AIFM1: variants seen among roughly 807,000 people sequenced by gnomAD.
AIFM1 encodes the protein apoptosis inducing factor mitochondria associated 1.
A neutral mutation model predicts 51.7 loss-of-function variants in AIFM1; 3 were observed. That is an observed-to-expected ratio of 0.06 (90% CI 0.03 to 0.15). The LOEUF (loss-of-function observed/expected upper bound fraction) is 0.15. AIFM1 is among the 10% of genes least tolerant of loss of function. The pLI, the probability that AIFM1 is intolerant of heterozygous loss-of-function variation, is 1.00. For synonymous variants in AIFM1, 178 were observed against 179.4 expected, an observed-to-expected ratio of 0.99 and a Z score of 0.06; for missense variants, 330 against 476.8, an observed-to-expected ratio of 0.69 and a Z score of 2.87.
intron 13 of AIFM1, 63 bp from the exon 14 acceptor site, chrX:130,131,862 T>A (rs762789702): frequency 4.6e-4 from 539 of 1,176,733 alleles, no homozygotes; most frequent in Non-Finnish European, 5.6e-4. Context: ...TAGCACATAT[T>A]CTCCATGACA....
Position 130,147,875 on chromosome X carries a change from A to G in AIFM1, c.351T>C (p.Ala117=). 1 of 1,211,481 alleles carries G rather than the reference A, an allele frequency of 8.3e-7. No individual in the cohort carries two copies. The highest frequency in any genetic ancestry group is 3.0e-5 in the East Asian group (1 of 33,854). ...EQKQKKAALS[A]SEGEEVPQDK... ...CTTGAGGAACTTCCTCTCCTTCTGA[A>G]GCTGAAAGCAACAGAACAGACTGGA... The change falls in exon 4 of 16, where the codon GCT becomes GCC. Residue 117 remains alanine (A), a splice_region_variant and synonymous_variant. Coordinates refer to ENST00000287295, the MANE Select transcript of AIFM1 (RefSeq NM_004208.4).
chrX:130,133,877 C>T (rs1416393108), intron 12 of AIFM1, among the ~76,000 whole-genome samples: 1 of 109,336 alleles, frequency 9.1e-6, no homozygotes, highest in Non-Finnish European at 1.9e-5. Context: ...AGCAATGTGC[C>T]TGCCTCAGCC....
At position 130,147,824 on chromosome X, in the gene AIFM1, G is replaced by A; in HGVS notation, c.402C>T (p.Phe134=). ...PQDKAPSHVP[F]LLIGGGTAAF... ...CAGCTGTGCCTCCACCAATTAGCAG[G>A]AAAGGAACATGACTTGGCGCCTTGT... The change falls in exon 4 of 16, where the codon TTC becomes TTT. Residue 134 remains phenylalanine (F), a synonymous_variant. Coordinates refer to ENST00000287295, the MANE Select transcript of AIFM1 (RefSeq NM_004208.4). 8.3e-7 allele frequency: 1 copy of A among 1,211,934 alleles called. No homozygotes were observed. The highest frequency in any genetic ancestry group is 1.1e-6 in the Non-Finnish European group (1 of 895,565).
chrX:130,141,939 C>A (rs1413815156), intron 6 of AIFM1, among the ~76,000 whole-genome samples: 1 of 111,898 alleles, frequency 8.9e-6, no homozygotes, highest in Non-Finnish European at 1.9e-5. Context: ...GTAGAACACC[C>A]AAACTGTTCT....
At chrX:130,164,730 G>GTA (rs2031474021) in intron 1 of AIFM1, among the ~76,000 whole-genome samples, 1 of 111,775 alleles carries the variant, frequency 8.9e-6, no homozygotes, top group Non-Finnish European at 1.9e-5. Context: ...TTAGGAAGCA[G>GTA]TATGGAGTTG....
intron 1 of AIFM1, among the ~76,000 whole-genome samples, chrX:130,164,642 A>G (rs2031471057): frequency 8.9e-6 from 1 of 111,799 alleles, no homozygotes; most frequent in South Asian, 3.7e-4. Context: ...GCTCAGATAA[A>G]TTCACGGATA....
chrX:130,134,860 CAA>C lies in AIFM1; in HGVS notation c.1305+1183_1305+1184del, dbSNP rs376866368. Among the ~76,000 whole-genome samples the C allele has an allele frequency of 4.0e-3, 443 of 111,411 alleles. 2 individuals are homozygous for C. The highest frequency in any genetic ancestry group is 0.028 in the Middle Eastern group (6 of 216). On this transcript the variant is annotated intron_variant, in intron 12 of 15. Coordinates refer to ENST00000287295, the MANE Select transcript of AIFM1 (RefSeq NM_004208.4). ...GAATATATAGTCATTAAACTGTTTACAAAGTCTGAAGCAACATAGAAAATGCT... is the reference window on the plus strand; with the variant it reads ...GAATATATAGTCATTAAACTGTTTACAGTCTGAAGCAACATAGAAAATGCT...
At chrX:130,138,470 AAAAT>A (rs1034694377) in intron 9 of AIFM1, 119 bp downstream of exon 9, 6 of 568,937 alleles carry the variant, frequency 1.1e-5, no homozygotes, top group Admixed American at 5.4e-5. Context: ...ATCTCAAAAA[AAAAT>A]AAATAAATAA....
At chrX:130,136,833 T>C (rs2030362708) in intron 10 of AIFM1, 102 bp from the exon 11 acceptor site, 1 of 1,027,238 alleles carries the variant, frequency 9.7e-7, no homozygotes. Context: ...AAACCAATTA[T>C]CAGTACACAG....
intron 5 of AIFM1, among the ~76,000 whole-genome samples, chrX:130,146,813 G>C (rs1175893650): frequency 9.0e-6 from 1 of 111,726 alleles, no homozygotes; most frequent in Non-Finnish European, 1.9e-5. Context: ...GTCAAAGAGA[G>C]TGCCGTTAAA....
rs761734670 is a variant in AIFM1, at chrX:130,132,686, A to G, written c.1448+627T>C. On this transcript the variant is annotated intron_variant, in intron 13 of 15. Coordinates refer to ENST00000287295, the MANE Select transcript of AIFM1 (RefSeq NM_004208.4). ...CCAAAGTGCTGGGATTAGAGGCATG[A>G]GCAACCATACCAGACCAGCCTTCAT... Among the ~76,000 whole-genome samples the G allele has an allele frequency of 3.6e-5, 4 of 111,181 alleles. No individual in the cohort carries two copies. The East Asian group carries it at 1.1e-3, about 31-fold the overall frequency.
intron 1 of AIFM1, among the ~76,000 whole-genome samples, chrX:130,159,870 GAGTGCAGT>G (rs1266134504): frequency 9.2e-6 from 1 of 108,298 alleles, no homozygotes; most frequent in Non-Finnish European, 1.9e-5. Flanking sequence ...CCCCAAGCTG[GAGTGCAGT>G]GGCACAATCT....
chrX:130,139,666 A>G (rs760883977), intron 8 of AIFM1, 129 bp downstream of exon 8: 4 of 602,373 alleles, frequency 6.6e-6, no homozygotes, highest in East Asian at 3.3e-5. Context: ...TCAAGGCCAG[A>G]TAACAAGTCT....
chrX:130,134,993 A>C (rs2030265160), intron 12 of AIFM1, among the ~76,000 whole-genome samples: 1 of 111,674 alleles, frequency 9.0e-6, no homozygotes, highest in East Asian at 2.8e-4. Context: ...AACACAGGGA[A>C]GGAAATACAC....
intron 1 of AIFM1, among the ~76,000 whole-genome samples, chrX:130,165,319 G>A (rs1358653478): frequency 8.9e-6 from 1 of 111,887 alleles, no homozygotes; most frequent in Non-Finnish European, 1.9e-5. Context: ...AAACGCTCCC[G>A]GGAAAAGGCC....
At position 130,165,642 on chromosome X, in the gene AIFM1, T is replaced by G; in HGVS notation, c.15A>C (p.Gly5=). MFRC[G]GLAAGALKQK... ...GCTTCAAAGCACCCGCCGCCAGGCC[T>G]CCACACCGGAACATTTCGGCGACCG... Residue 5 remains glycine (G), a synonymous_variant, in exon 1 of 16, where the codon GGA becomes GGC. Coordinates refer to ENST00000287295, the MANE Select transcript of AIFM1 (RefSeq NM_004208.4). The G allele has an allele frequency of 8.3e-7, 1 of 1,199,583 alleles. No homozygotes were observed. The highest frequency in any genetic ancestry group is 1.8e-5 in the South Asian group (1 of 55,099).
chrX:130,138,713 C>T lies in AIFM1; in HGVS notation c.859-12G>A. The T allele has an allele frequency of 3.6e-6, 4 of 1,124,729 alleles. No homozygotes were observed. Among genetic ancestry groups the T allele is most frequent in the Non-Finnish European group, 4.9e-6 (4 of 816,313 alleles). 92.7% of individuals were successfully genotyped at this position (1,124,729 alleles called of 1,213,427 possible). The stretch of plus-strand genomic sequence containing the variant: ...CTAAAGTCTCCAATCTGCAGGATCA[C>T]ATCAGTTTAGTCCATTAATTTCCAA... On this transcript the variant is annotated splice_polypyrimidine_tract_variant and intron_variant, in intron 8 of 15. Transcript: ENST00000287295.
intron 2 of AIFM1, among the ~76,000 whole-genome samples, chrX:130,154,299 T>C (rs1190313576): frequency 1.8e-5 from 2 of 112,047 alleles, no homozygotes; most frequent in Non-Finnish European, 1.9e-5. Flanking sequence ...AAAATTTGCA[T>C]GGTCAACTCT....
intron 6 of AIFM1, among the ~76,000 whole-genome samples, chrX:130,144,050 AAAT>A (rs1051214070): frequency 4.5e-5 from 5 of 111,832 alleles, no homozygotes; most frequent in Non-Finnish European, 9.4e-5. Flanking sequence ...TGTAAGAGGG[AAAT>A]AATACCTACC....
Sources: allele counts gnomAD v4.1 joint callset (sites outside exome capture counted in the v4.1 genomes callset), GRCh38; gene constraint gnomAD v4.1.1; transcripts MANE v1.5; gene names NCBI Gene and HGNC (gene_info 2026-07-23, HGNC 2026-07-21).